Variants in GPATCH2 observed in about 807,000 individuals in gnomAD.
The protein encoded by GPATCH2 is G patch domain-containing protein 2.
In GPATCH2, 51 loss-of-function variants were observed where a neutral mutation model predicts 58.0. The observed-to-expected ratio is 0.88, with a 90% CI of 0.70 to 1.11. The LOEUF (loss-of-function observed/expected upper bound fraction) is 1.11. GPATCH2 is among the 50% of genes most tolerant of loss of function. The pLI is 0.00. For synonymous variants in GPATCH2, 222 were observed against 218.5 expected (o/e 1.02, Z -0.14); for missense variants, 625 against 652.2 (o/e 0.96, Z 0.45).
rs1669283243 is a variant in GPATCH2, at chr1:217,623,169, C to T, written c.57-2670G>A. Among the ~76,000 whole-genome samples, 4 of 152,122 alleles carry T rather than the reference C, an allele frequency of 2.6e-5. 1 individual carries two copies. The South Asian group carries it at 6.2e-4, about 24-fold the overall frequency. ...AATCAATATCCTCTCTCTCTATTATCTGGTTCTGGAGTAACTTACTCTTGG... is the reference window on the plus strand; with the variant it reads ...AATCAATATCCTCTCTCTCTATTATTTGGTTCTGGAGTAACTTACTCTTGG... On this transcript the variant is annotated intron_variant, in intron 1 of 9. Coordinates refer to ENST00000366935, the MANE Select transcript of GPATCH2 (RefSeq NM_018040.5).
At chr1:217,612,101 G>C (rs1226982394) in intron 3 of GPATCH2, among the ~76,000 whole-genome samples, 2 of 151,864 alleles carry the variant, frequency 1.3e-5, no homozygotes, top group Non-Finnish European at 2.9e-5. Context: ...GATCCCTTGA[G>C]CCCAGCAGTT....
intron 5 of GPATCH2, among the ~76,000 whole-genome samples, chr1:217,543,921 G>A (rs1394367921): frequency 6.6e-6 from 1 of 152,094 alleles, no homozygotes; most frequent in African/African-American, 2.4e-5. Flanking sequence ...TCTTTCTCAG[G>A]CTCGCTTGGC....
intron 8 of GPATCH2, among the ~76,000 whole-genome samples, chr1:217,460,068 T>C (rs1465196011): frequency 6.6e-6 from 1 of 152,198 alleles, no homozygotes; most frequent in Non-Finnish European, 1.5e-5. Flanking sequence ...ATTTATTATC[T>C]GAACTACTAC....
intron 9 of GPATCH2, among the ~76,000 whole-genome samples, chr1:217,447,026 T>C (rs148476049): frequency 8.5e-5 from 13 of 152,338 alleles, no homozygotes; most frequent in African/African-American, 3.1e-4. Context: ...GTACTGTTTC[T>C]GCCGCTAATG....
intron 5 of GPATCH2, among the ~76,000 whole-genome samples, chr1:217,533,787 A>G (rs1664322029): frequency 6.6e-6 from 1 of 152,232 alleles, no homozygotes; most frequent in African/African-American, 2.4e-5. Flanking sequence ...GGTTTTCATT[A>G]AGCTCTTTTT....
In GPATCH2 at chr1:217,513,163, G is replaced by A. The variant is rs76561103; in HGVS notation, c.1166+1659C>T. Among the ~76,000 whole-genome samples, 447 of 152,164 alleles carry A rather than the reference G, an allele frequency of 2.9e-3. 8 individuals carry two copies. In the East Asian group the frequency reaches 0.046, roughly 16 times the overall value. Reference sequence around the variant, plus strand: ...AAATTAGCCAGGCGTGGTGGCACACGCCTGTAGTCCCAAGCTACTCGAGAG... The same window carrying A: ...AAATTAGCCAGGCGTGGTGGCACACACCTGTAGTCCCAAGCTACTCGAGAG... On this transcript the variant is annotated intron_variant, in intron 6 of 9. Transcript: ENST00000366935.
intron 5 of GPATCH2, among the ~76,000 whole-genome samples, chr1:217,540,697 T>C (rs750690442): frequency 2.6e-5 from 4 of 152,208 alleles, no homozygotes; most frequent in African/African-American, 7.2e-5. Context: ...AAGATAAGTC[T>C]TTTAATGAAA....
At chr1:217,501,821 AT>A (rs1294932231) in intron 6 of GPATCH2, among the ~76,000 whole-genome samples, 4 of 151,974 alleles carry the variant, frequency 2.6e-5, no homozygotes, top group African/African-American at 9.7e-5. Context: ...TAACTATTAC[AT>A]TTTGAAAGGT....
chr1:217,622,004 A>T (rs1669213677), intron 1 of GPATCH2, among the ~76,000 whole-genome samples: 1 of 152,230 alleles, frequency 6.6e-6, no homozygotes, highest in South Asian at 2.1e-4. Flanking sequence ...AGTAGTGGAG[A>T]CAGGATTCAA....
chr1:217,574,495 G>T (rs1451484030), intron 5 of GPATCH2, among the ~76,000 whole-genome samples: 5 of 152,036 alleles, frequency 3.3e-5, no homozygotes, highest in African/African-American at 1.2e-4. Context: ...TTCAGTTACG[G>T]GGTGGTTTAT....
rs1668398950 is a variant in GPATCH2 at position 217,607,150 on chromosome 1, C to G, written c.1098+3171G>C. Among the ~76,000 whole-genome samples the G allele has an allele frequency of 2.0e-5, 3 of 152,244 alleles. No individual in the cohort carries two copies. The South Asian group carries it at 6.2e-4, about 32-fold the overall frequency. The stretch of plus-strand genomic sequence containing the variant: ...ATTCCATATTTTTAAGTCGGCCTGC[C>G]TGCTAAAATTTATTTGTTAACCCCA... On this transcript the variant is annotated intron_variant, in intron 5 of 9. Transcript: ENST00000366935.
chr1:217,478,433 A>C (rs1571772779), intron 8 of GPATCH2, among the ~76,000 whole-genome samples: 1 of 152,346 alleles, frequency 6.6e-6, no homozygotes, highest in Middle Eastern at 3.4e-3. Context: ...TTTAATAAAG[A>C]GATTGAAATA....
chr1:217,584,451 C>T (rs1418454120), intron 5 of GPATCH2, among the ~76,000 whole-genome samples: 1 of 150,952 alleles, frequency 6.6e-6, no homozygotes, highest in Non-Finnish European at 1.5e-5. Flanking sequence ...GTTGCTTGAA[C>T]CCGGGAGGCG....
intron 9 of GPATCH2, among the ~76,000 whole-genome samples, chr1:217,443,141 T>C (rs1365663619): frequency 6.6e-6 from 1 of 152,222 alleles, no homozygotes; most frequent in Non-Finnish European, 1.5e-5. Flanking sequence ...AATTTAGCTT[T>C]TAGTACACGC....
In GPATCH2 at chr1:217,614,170, C is replaced by T. The variant is rs777455691; in HGVS notation, c.806G>A (p.Gly269Glu). 6 of 1,586,204 alleles carry T rather than the reference C, an allele frequency of 3.8e-6. No individual in the cohort carries two copies. Among genetic ancestry groups the T allele is most frequent in the Non-Finnish European group, 5.2e-6 (6 of 1,154,902 alleles). Residue 269 changes from glycine (G) to glutamate (E), a missense_variant, in exon 3 of 10, where the codon GGA becomes GAA. Transcript: ENST00000366935. ...DSSSLSSTDA[G>E]LFTNDEGRQG... ...TCTTCCCTCATCATTGGTAAACAAT[C>T]CAGCATCAGTGCTGCTGAGACTGCT...
chr1:217,541,943 T>C (rs1664765786), intron 5 of GPATCH2, among the ~76,000 whole-genome samples: 1 of 152,164 alleles, frequency 6.6e-6, no homozygotes, highest in African/African-American at 2.4e-5. Flanking sequence ...CTGGGAAGAT[T>C]GAAGTAGAGT....
intron 8 of GPATCH2, among the ~76,000 whole-genome samples, chr1:217,474,345 T>C (rs913517632): frequency 6.6e-6 from 1 of 152,232 alleles, no homozygotes; most frequent in Non-Finnish European, 1.5e-5. Context: ...TTGTTTGGTA[T>C]TGTTAAGATA....
intron 5 of GPATCH2, among the ~76,000 whole-genome samples, chr1:217,605,308 A>G (rs1344190842): frequency 3.9e-5 from 6 of 152,208 alleles, no homozygotes; most frequent in Admixed American, 3.9e-4. Flanking sequence ...GTGAATGCAA[A>G]CAGTATGCTT....
chr1:217,606,811 T>A (rs932297568), intron 5 of GPATCH2, among the ~76,000 whole-genome samples: 45 of 152,322 alleles, frequency 3.0e-4, no homozygotes, highest in African/African-American at 1.1e-3. Context: ...AAATGTTCTC[T>A]AAGTCCCAGC....
Sources: allele counts gnomAD v4.1 joint callset (sites outside exome capture counted in the v4.1 genomes callset), GRCh38; gene constraint gnomAD v4.1.1; transcripts MANE v1.5; gene names NCBI Gene and HGNC (gene_info 2026-07-23, HGNC 2026-07-21).